PERP: variants seen among roughly 807,000 people sequenced by gnomAD.
The protein encoded by PERP is p53 apoptosis effector related to PMP-22.
PERP carries 11 observed loss-of-function variants against 20.3 expected under a neutral mutation model. That is an observed-to-expected ratio of 0.54 (90% CI 0.34 to 0.90). The LOEUF (loss-of-function observed/expected upper bound fraction) is 0.90, where lower values mean the gene tolerates loss of function less well. Ranked by LOEUF, PERP falls within the 40% of genes least tolerant of loss-of-function variation. PERP has a pLI of 0.02. For missense variants in PERP, 224 were observed against 249.4 expected (o/e 0.90, Z 0.69); for synonymous variants, 101 against 102.0 (o/e 0.99, Z 0.06).
Position 138,107,374 on chromosome 6 carries a change from G to A in PERP, c.-34C>T. On this transcript the variant is annotated 5_prime_UTR_variant, in exon 1 of 3. Coordinates refer to ENST00000421351, the MANE Select transcript of PERP (RefSeq NM_022121.5). The surrounding 1 kb of genome is among the most constrained non-coding windows in gnomAD (Gnocchi z 4.8). ...GCGGCGCGGGGCCGAGCGGAGCGGA[G>A]CGGAGCGGGTCGGAGGAGCGCGCGG... The A allele has an allele frequency of 1.3e-6, 2 of 1,503,554 alleles. No individual in the cohort carries two copies. Among genetic ancestry groups the A allele is most frequent in the Non-Finnish European group, 1.8e-6 (2 of 1,130,724 alleles). 93.1% of individuals were successfully genotyped at this position (1,503,554 alleles called of 1,614,324 possible). A position where few individuals can be genotyped will look rare whatever the true frequency, so the allele number is the denominator to read the frequency against.
chr6:138,100,066 AG>A (rs1775748807), intron 1 of PERP, among the ~76,000 whole-genome samples: 1 of 152,240 alleles, frequency 6.6e-6, no homozygotes, highest in Admixed American at 6.5e-5. Context: ...ACAGTTCTAA[AG>A]ATCCTGACTG....
At chr6:138,103,210 C>T (rs1442593236) in intron 1 of PERP, among the ~76,000 whole-genome samples, 1 of 151,654 alleles carries the variant, frequency 6.6e-6, no homozygotes, top group East Asian at 2.0e-4. Context: ...AGTGTAGTGG[C>T]CCAATCTTGG....
At chr6:138,099,992 T>C (rs1345284448) in intron 1 of PERP, among the ~76,000 whole-genome samples, 2 of 152,228 alleles carry the variant, frequency 1.3e-5, no homozygotes, top group African/African-American at 4.8e-5. Context: ...TAAAACCTGC[T>C]CCTTGCATCA....
At chr6:138,105,326 A>T (rs1775826294) in intron 1 of PERP, among the ~76,000 whole-genome samples, 1 of 152,298 alleles carries the variant, frequency 6.6e-6, no homozygotes, top group South Asian at 2.1e-4. Context: ...TAAACTATAC[A>T]CTGGTTAGTG....
chr6:138,094,386 A>G (rs770794595), intron 2 of PERP, among the ~76,000 whole-genome samples: 3 of 151,964 alleles, frequency 2.0e-5, no homozygotes, highest in Non-Finnish European at 4.4e-5. Flanking sequence ...ATGGAATAAT[A>G]TATTTGTCCT....
In PERP at chr6:138,091,878, A is replaced by C. The variant is rs1775589007; in HGVS notation, c.*164T>G. The C allele has an allele frequency of 8.2e-6, 5 of 613,282 alleles. No homozygotes were observed. Among genetic ancestry groups the C allele is most frequent in the Non-Finnish European group, 1.4e-5 (5 of 355,046 alleles). 38.0% of individuals were successfully genotyped at this position (613,282 alleles called of 1,614,324 possible). The stretch of plus-strand genomic sequence containing the variant: ...TAATAAAAGATAAACATGAAACTAT[A>C]ACACTACTTAAAAAATATTTTCTCC... On this transcript the variant is annotated 3_prime_UTR_variant, in exon 3 of 3. Transcript: ENST00000421351.
intron 1 of PERP, among the ~76,000 whole-genome samples, chr6:138,106,238 C>T (rs1166925780): frequency 6.6e-6 from 1 of 152,206 alleles, no homozygotes; most frequent in African/African-American, 2.4e-5. Flanking sequence ...TCCACCCCCA[C>T]ACACATTGCT....
intron 1 of PERP, among the ~76,000 whole-genome samples, chr6:138,104,038 G>C (rs1448534285): frequency 6.6e-6 from 1 of 152,140 alleles, no homozygotes; most frequent in East Asian, 1.9e-4. Flanking sequence ...TTTCACTCTG[G>C]TGCACAAACT....
intron 2 of PERP, among the ~76,000 whole-genome samples, chr6:138,094,216 A>G (rs1775639375): frequency 1.3e-5 from 2 of 152,188 alleles, no homozygotes; most frequent in Admixed American, 1.3e-4. Flanking sequence ...ACAATGTTGT[A>G]TAACCATTAC....
chr6:138,096,846 G>C (rs939986399), intron 1 of PERP, among the ~76,000 whole-genome samples: 1 of 152,124 alleles, frequency 6.6e-6, no homozygotes, highest in African/African-American at 2.4e-5. Flanking sequence ...CTGACACAAC[G>C]TGATCATAAT....
At chr6:138,095,108 T>G (rs1194939588) in intron 2 of PERP, among the ~76,000 whole-genome samples, 1 of 152,236 alleles carries the variant, frequency 6.6e-6, no homozygotes, top group Non-Finnish European at 1.5e-5. Context: ...AATGTGTTTC[T>G]TTGCTAGAGT....
At chr6:138,101,036 A>G (rs1005522015) in intron 1 of PERP, among the ~76,000 whole-genome samples, 70 of 152,342 alleles carry the variant, frequency 4.6e-4, no homozygotes, top group African/African-American at 1.6e-3. Context: ...AAGATCAACT[A>G]ATAAGAGCAA....
chr6:138,092,286 AT>A lies in PERP; in HGVS notation c.356-19del. 1 of 1,589,656 alleles carries A rather than the reference AT, an allele frequency of 6.3e-7. No individual in the cohort carries two copies. The highest frequency in any genetic ancestry group is 8.6e-7 in the Non-Finnish European group (1 of 1,158,144). On this transcript the variant is annotated intron_variant, in intron 2 of 2. Transcript: ENST00000421351. Reference sequence around the variant, plus strand: ...GAACACAGCTAAAGGGAAGAAAAAAATCCCAGGGTATGAATGCATACATGCA... The same window carrying A: ...GAACACAGCTAAAGGGAAGAAAAAAACCCAGGGTATGAATGCATACATGCA...
In PERP at chr6:138,107,245, G is replaced by T; in HGVS notation, c.96C>A (p.Gly32=). 1 of 1,612,162 alleles carries T rather than the reference G, an allele frequency of 6.2e-7. No homozygotes were observed. The change falls in exon 1 of 3, where the codon GGC becomes GGA. Residue 32 remains glycine, a synonymous_variant. Coordinates refer to ENST00000421351, the MANE Select transcript of PERP (RefSeq NM_022121.5). This position sits in a 1 kb window ranked among gnomAD's most constrained non-coding sequence, Gnocchi z 4.8. ...GGTCGCTAGACTGCAACCAGCCGCGGCCGGCCAGCGCGATGATGTCGAAGG... is the reference window on the plus strand; with the variant it reads ...GGTCGCTAGACTGCAACCAGCCGCGTCCGGCCAGCGCGATGATGTCGAAGG... ...AIAFDIIALA[G]RGWLQSSDHG...
At chr6:138,097,579 T>C (rs1044093624) in intron 1 of PERP, among the ~76,000 whole-genome samples, 1 of 152,208 alleles carries the variant, frequency 6.6e-6, no homozygotes, top group African/African-American at 2.4e-5. Context: ...ACCTGAGTAG[T>C]GTAAATCTCC....
chr6:138,106,985 G>A, intron 1 of PERP, 142 bp downstream of exon 1: 1 of 765,492 alleles, frequency 1.3e-6, no homozygotes, highest in Non-Finnish European at 2.0e-6. Context: ...GGATGCATGA[G>A]CCCGAGCTCG....
At position 138,107,045 on chromosome 6, in the gene PERP, C is replaced by T. The variant is rs1775854006; in HGVS notation, c.214+82G>A. On this transcript the variant is annotated intron_variant, in intron 1 of 2. Transcript: ENST00000421351. The surrounding 1 kb of genome is among the most constrained non-coding windows in gnomAD (Gnocchi z 4.8). ...ACTGGCTCCCCCGACCCTGTGAGGG[C>T]CCATCACGCGCGGCGGCTTTTGCAG... is the stretch of plus-strand genomic sequence containing the variant. 2.9e-6 allele frequency: 4 copies of T among 1,387,360 alleles called. No homozygotes were observed. Among genetic ancestry groups the T allele is most frequent in the Non-Finnish European group, 3.9e-6 (4 of 1,022,934 alleles). 85.9% of individuals were successfully genotyped at this position (1,387,360 alleles called of 1,614,324 possible).
At position 138,092,165 on chromosome 6, in the gene PERP, G is replaced by A. The variant is rs201454106; in HGVS notation, c.459C>T (p.Tyr153=). ...PAVTYIYNWA[Y]GFGWAATIIL... ...TAATCGTGGCTGCCCACCCAAAGCC[G>A]TAGGCCCAGTTATAGATGTAAGTGA... is the stretch of plus-strand genomic sequence containing the variant. Residue 153 remains tyrosine (Y), a synonymous_variant, in exon 3 of 3, where the codon TAC becomes TAT. Coordinates refer to ENST00000421351, the MANE Select transcript of PERP (RefSeq NM_022121.5). 86 of 1,614,116 alleles carry A rather than the reference G, an allele frequency of 5.3e-5. No homozygotes were observed. The highest frequency in any genetic ancestry group is 3.0e-4 in the Admixed American group (18 of 60,008).
At chr6:138,096,807 C>T (rs1342751010) in intron 1 of PERP, among the ~76,000 whole-genome samples, 4 of 152,040 alleles carry the variant, frequency 2.6e-5, no homozygotes, top group Admixed American at 1.3e-4. Context: ...TGCCACATAA[C>T]GGGTATATTT....
Sources: gnomAD v4.1 joint callset for allele counts (sites outside exome capture counted in the v4.1 genomes callset) on GRCh38, gnomAD v4.1.1 for gene constraint, Gnocchi (gnomAD v3.1) non-coding constraint, MANE v1.5 for transcripts, NCBI Gene and HGNC (gene_info 2026-07-23, HGNC 2026-07-21) for gene names.